HNRNPK: variants seen among roughly 807,000 people sequenced by gnomAD.
HNRNPK encodes the protein dC-stretch binding protein.
In HNRNPK, 7 loss-of-function variants were observed where a neutral mutation model predicts 67.0. The observed-to-expected ratio is 0.10, with a 90% confidence interval of 0.06 to 0.20. HNRNPK has a LOEUF of 0.20. Among genes scored for constraint, HNRNPK ranks in the 10% least tolerant of loss-of-function variants. The probability of loss-of-function intolerance (pLI) is 1.00; values close to 1 mark genes in which losing one functional copy is unlikely to be tolerated. For missense variants in HNRNPK, 264 were observed against 606.5 expected, an observed-to-expected ratio of 0.44 and a Z score of 5.93; for synonymous variants, 213 against 193.7, an observed-to-expected ratio of 1.10 and a Z score of -0.83.
intron 15 of HNRNPK, 79 bp from the exon 16 acceptor site, chr9:83,970,410 T>TATTA (rs1479594782): frequency 1.2e-5 from 13 of 1,099,664 alleles, no homozygotes; most frequent in Non-Finnish European, 1.4e-5. Context: ...AGCATGAAGT[T>TATTA]ATTAATTTTA....
Position 83,980,205 on chromosome 9 carries a change from A to C in HNRNPK, c.-160T>G, listed in dbSNP as rs967804938. ...CGCGCCGCCTCAGCCGGTCGGAGCT[A>C]GACAGAAAACGAGCGCAGGCTCCCC... On this transcript the variant is annotated 5_prime_UTR_variant, in exon 1 of 17. Transcript: ENST00000376263. 6.6e-6 allele frequency: 1 copy of C among 152,340 alleles called. No homozygotes were observed. The highest frequency in any genetic ancestry group is 1.5e-5 in the Non-Finnish European group (1 of 68,214). 9.4% of individuals were successfully genotyped at this position (152,340 alleles called of 1,614,324 possible).
At chr9:83,970,531 C>T (rs1018025607) in intron 15 of HNRNPK, 200 bp from the exon 16 acceptor site, 1 of 642,376 alleles carries the variant, frequency 1.6e-6, no homozygotes. Context: ...GTTAAGGGCT[C>T]AAAACCTACT....
At position 83,973,970 on chromosome 9, in the gene HNRNPK, G is replaced by A. The variant is rs758865690; in HGVS notation, c.334C>T (p.Leu112=). The change falls in exon 8 of 17, where the codon CTG becomes TTG. Residue 112 remains leucine, a synonymous_variant. Coordinates refer to ENST00000376263, the MANE Select transcript of HNRNPK (RefSeq NM_031263.4). ...KKIIPTLEEG[L]QLPSPTATSQ... ...GTTGCAGTGGGTGATGGCAACTGCAGGCCCTGAAAGTAGAAAAATAAGAGT... is the reference window on the plus strand; with the variant it reads ...GTTGCAGTGGGTGATGGCAACTGCAAGCCCTGAAAGTAGAAAAATAAGAGT... The A allele has an allele frequency of 6.8e-6, 11 of 1,610,976 alleles. No individual in the cohort carries two copies. The highest frequency in any genetic ancestry group is 8.5e-6 in the Non-Finnish European group (10 of 1,177,254).
rs114681182 is a variant in HNRNPK at position 83,977,425 on chromosome 9, T to C, written c.156+264A>G. Among the ~76,000 whole-genome samples, 217 of 152,312 alleles carry C rather than the reference T, an allele frequency of 1.4e-3. 1 individual carries two copies. The highest frequency in any genetic ancestry group is 6.8e-3 in the Middle Eastern group (2 of 294). ...AGCAGTTTCCTAAGGAGTCCACACA[T>C]AATTAAGATTTAATCTATTAACACT... is the stretch of plus-strand genomic sequence containing the variant. On this transcript the variant is annotated intron_variant, in intron 4 of 16. Coordinates refer to ENST00000376263, the MANE Select transcript of HNRNPK (RefSeq NM_031263.4).
chr9:83,969,970 T>G (rs1345804457), intron 16 of HNRNPK, 192 bp downstream of exon 16: 3 of 659,726 alleles, frequency 4.5e-6, no homozygotes, highest in Non-Finnish European at 8.3e-6. Context: ...TCCAGCAAGA[T>G]TAGTATTGAA....
intron 10 of HNRNPK, 110 bp from the exon 11 acceptor site, chr9:83,972,299 A>T (rs752687368): frequency 3.9e-6 from 3 of 775,820 alleles, no homozygotes; most frequent in Non-Finnish European, 6.2e-6. Context: ...CCCCATCAGG[A>T]GGTACTAGAG....
chr9:83,969,935 A>G (rs1956750873), intron 16 of HNRNPK: 2 of 648,754 alleles, frequency 3.1e-6, no homozygotes, highest in Non-Finnish European at 5.8e-6. Context: ...CAGAGAAATG[A>G]GAAGTTTGCT....
intron 5 of HNRNPK, 35 bp downstream of exon 5, chr9:83,976,960 C>G (rs779130420): frequency 3.9e-5 from 50 of 1,270,520 alleles, no homozygotes; most frequent in Admixed American, 9.2e-5. Context: ...TAAACTGAAG[C>G]TGCTCGTGTA....
intron 5 of HNRNPK, chr9:83,975,917 C>T (rs550924422): frequency 1.7e-5 from 3 of 173,336 alleles, no homozygotes; most frequent in South Asian, 3.0e-4. Flanking sequence ...GAAAAACAAA[C>T]GATGTTTCAG....
chr9:83,972,994 AAATAAT>A (rs748000179), intron 9 of HNRNPK, 22 bp from the exon 10 acceptor site: 110 of 1,528,942 alleles, frequency 7.2e-5, no homozygotes, highest in Middle Eastern at 2.0e-4. Context: ...TCATAAAAAA[AAATAAT>A]AATAATTAGA....
At chr9:83,974,335 G>A (rs375437656) in intron 7 of HNRNPK, among the ~76,000 whole-genome samples, 182 bp downstream of exon 7, 1 of 130,274 alleles carries the variant, frequency 7.7e-6, no homozygotes, top group Non-Finnish European at 1.6e-5. Flanking sequence ...TGGCCAGCCT[G>A]TTTTTTTTTT....
At chr9:83,973,809 T>G in intron 8 of HNRNPK, 93 bp downstream of exon 8, 2 of 927,124 alleles carry the variant, frequency 2.2e-6, no homozygotes, top group South Asian at 2.9e-5. Context: ...CCTTTTTCTA[T>G]AGAGATGGGA....
Position 83,977,767 on chromosome 9 carries a change from A to T in HNRNPK, c.78T>A (p.Asp26Glu). ...NGEFGKRPAE[D>E]MEEEQAFKRS... ...TTTTAAATGCTTGTTCCTCTTCCATATCTTCTGCAGGGCGTTTACCTAAAA... is the reference window on the plus strand; with the variant it reads ...TTTTAAATGCTTGTTCCTCTTCCATTTCTTCTGCAGGGCGTTTACCTAAAA... Residue 26 changes from aspartate (D) to glutamate (E), a missense_variant, in exon 4 of 17, where the codon GAT becomes GAA. This residue lies in a region of HNRNPK where 32 missense variants were observed against 45.6 expected (regional missense o/e 0.70). Coordinates refer to ENST00000376263, the MANE Select transcript of HNRNPK (RefSeq NM_031263.4). The T allele has an allele frequency of 6.2e-6, 10 of 1,607,042 alleles. No individual in the cohort carries two copies. Among genetic ancestry groups the T allele is most frequent in the Non-Finnish European group, 7.7e-6 (9 of 1,174,346 alleles).
At chr9:83,970,423 C>T in intron 15 of HNRNPK, 92 bp from the exon 16 acceptor site, 1 of 1,012,596 alleles carries the variant, frequency 9.9e-7, no homozygotes, top group Non-Finnish European at 1.4e-6. Context: ...TAATTTTATT[C>T]ATTCAGAATC....
chr9:83,971,585 TA>T, intron 12 of HNRNPK, 86 bp downstream of exon 12: 1 of 1,121,406 alleles, frequency 8.9e-7, no homozygotes, highest in Non-Finnish European at 1.3e-6. Context: ...AAAAACTTTT[TA>T]ATCACTATAA....
chr9:83,972,099 G>A lies in HNRNPK; in HGVS notation c.736C>T (p.Arg246Cys). The A allele has an allele frequency of 1.2e-6, 2 of 1,613,774 alleles. No homozygotes were observed. The highest frequency in any genetic ancestry group is 1.7e-6 in the Non-Finnish European group (2 of 1,179,804). The change falls in exon 11 of 17, where the codon CGT (arginine) becomes TGT (cysteine). Residue 246 changes from arginine (R) to cysteine (C), a missense_variant. Arg to Cys is a radical substitution (Grantham distance 180). This residue lies in a region of HNRNPK where 142 missense variants were observed against 256.5 expected (regional missense o/e 0.55). Coordinates refer to ENST00000376263, the MANE Select transcript of HNRNPK (RefSeq NM_031263.4). ...GGAAATCCCACTGGGCGTCCGCGACGGTCATCAAACATCATTGTAAAACCA... is the reference window on the plus strand; with the variant it reads ...GGAAATCCCACTGGGCGTCCGCGACAGTCATCAAACATCATTGTAAAACCA... ...YGGFTMMFDD[R>C]RGRPVGFPMR...
chr9:83,971,496 A>C (rs1180750419), intron 12 of HNRNPK, 140 bp from the exon 13 acceptor site: 3 of 799,626 alleles, frequency 3.8e-6, no homozygotes, highest in Non-Finnish European at 6.4e-6. Context: ...AGGGGAACAA[A>C]GCTCAATAAA....
Position 83,969,444 on chromosome 9 carries a change from TA to T in HNRNPK, c.1362-5del. The T allele has an allele frequency of 1.3e-6, 2 of 1,570,196 alleles. No homozygotes were observed. The highest frequency in any genetic ancestry group is 8.7e-7 in the Non-Finnish European group (1 of 1,153,796). On this transcript the variant is annotated splice_polypyrimidine_tract_variant and splice_region_variant and intron_variant, in intron 16 of 16. Coordinates refer to ENST00000376263, the MANE Select transcript of HNRNPK (RefSeq NM_031263.4). ...AACATCTGCATACTGCTTCACACTA[TA>T]AAAGAAAAGAAAAAAAAGTGCGAAT...
At chr9:83,970,058 G>T in intron 16 of HNRNPK, 104 bp downstream of exon 16, 2 of 904,914 alleles carry the variant, frequency 2.2e-6, no homozygotes. Context: ...GTCCCCAAAA[G>T]GTTGAGACAC....
Sources: allele counts gnomAD v4.1 joint callset (sites outside exome capture counted in the v4.1 genomes callset), GRCh38; gene constraint gnomAD v4.1.1; regional missense constraint gnomAD v4.1.1; transcripts MANE v1.5; gene names NCBI Gene and HGNC (gene_info 2026-07-23, HGNC 2026-07-21).